Variants in NTRK2 observed in about 807,000 individuals in gnomAD.
NTRK2 encodes BDNF/NT-3 growth factors receptor.
In NTRK2, 13 loss-of-function variants were observed where a neutral mutation model predicts 94.5. That is an observed-to-expected ratio of 0.14 (90% confidence interval 0.09 to 0.22). The LOEUF (loss-of-function observed/expected upper bound fraction) is 0.22. Among genes scored for constraint, NTRK2 ranks in the 10% least tolerant of loss-of-function variants. NTRK2 has a pLI of 1.00. For synonymous variants in NTRK2, 372 were observed against 407.4 expected (o/e 0.91, Z 1.05); for missense variants, 639 against 1,071.2 (o/e 0.60, Z 5.63).
intron 10 of NTRK2, 116 bp from the exon 11 acceptor site, chr9:84,744,857 G>T: frequency 2.4e-6 from 2 of 824,702 alleles, no homozygotes; most frequent in South Asian, 1.3e-5. Flanking sequence ...ACTGTCGGGG[G>T]TTTGGAATCT....
intron 12 of NTRK2, among the ~76,000 whole-genome samples, chr9:84,809,691 G>A (rs2071531435): frequency 6.6e-6 from 1 of 151,446 alleles, no homozygotes; most frequent in South Asian, 2.1e-4. Flanking sequence ...AGACCAGCCT[G>A]GGCAACATGG....
chr9:84,936,339 A>G (rs1008140045), intron 15 of NTRK2, among the ~76,000 whole-genome samples: 16 of 152,214 alleles, frequency 1.1e-4, no homozygotes, highest in African/African-American at 2.4e-4. Context: ...CCTTCCAAAC[A>G]TATGCTCAAA....
intron 12 of NTRK2, among the ~76,000 whole-genome samples, chr9:84,789,966 C>T (rs558450231): frequency 8.5e-5 from 13 of 152,162 alleles, no homozygotes; most frequent in Non-Finnish European, 1.8e-4. Flanking sequence ...GATACCTTCT[C>T]GCTGGATTTT....
chr9:84,917,915 G>C (rs1288549037), intron 14 of NTRK2, among the ~76,000 whole-genome samples: 4 of 152,146 alleles, frequency 2.6e-5, no homozygotes. Context: ...CCTCATGACA[G>C]AGTAATGTGA....
intron 12 of NTRK2, among the ~76,000 whole-genome samples, chr9:84,858,703 G>A (rs191539514): frequency 8.9e-4 from 135 of 150,940 alleles, no homozygotes; most frequent in African/African-American, 3.2e-3. Context: ...CTCAAGTGCC[G>A]CTTTGCAGCT....
At chr9:84,872,464 G>T in intron 14 of NTRK2, 1 of 1,071,858 alleles carries the variant, frequency 9.3e-7, no homozygotes, top group Non-Finnish European at 1.1e-6. Context: ...AATTAGCTAG[G>T]GTCCTAGGGT....
intron 4 of NTRK2, among the ~76,000 whole-genome samples, chr9:84,705,458 A>G (rs1009760918): frequency 1.3e-5 from 2 of 152,096 alleles, no homozygotes; most frequent in Non-Finnish European, 2.9e-5. Flanking sequence ...TTTGGCCCCA[A>G]TAATAAGTAT....
At chr9:84,924,178 C>G (rs1587943864) in intron 14 of NTRK2, among the ~76,000 whole-genome samples, 1 of 150,236 alleles carries the variant, frequency 6.7e-6, no homozygotes, top group East Asian at 2.0e-4. Context: ...TGCCACTGCA[C>G]TGCACTCCAG....
chr9:84,808,854 G>T (rs542876544), intron 12 of NTRK2, among the ~76,000 whole-genome samples: 2 of 152,208 alleles, frequency 1.3e-5, no homozygotes, highest in Non-Finnish European at 2.9e-5. Context: ...CAGATTGGTG[G>T]TGGTACTTAC....
chr9:85,016,284 G>A (rs985546602), intron 17 of NTRK2, among the ~76,000 whole-genome samples: 11 of 152,176 alleles, frequency 7.2e-5, no homozygotes, highest in South Asian at 6.2e-4. Flanking sequence ...TAGAACTCCA[G>A]TCTCTTGGGT....
intron 12 of NTRK2, among the ~76,000 whole-genome samples, chr9:84,752,961 G>C (rs1030924429): frequency 6.6e-6 from 1 of 152,090 alleles, no homozygotes; most frequent in Non-Finnish European, 1.5e-5. Flanking sequence ...TTATCTGTAT[G>C]GTCTGTTAGA....
At chr9:84,710,924 A>T (rs1362882626) in intron 6 of NTRK2, 133 bp downstream of exon 6, 13 of 827,862 alleles carry the variant, frequency 1.6e-5, no homozygotes, top group Non-Finnish European at 2.4e-5. Flanking sequence ...GACTCAGACA[A>T]CATTTATGTG....
At chr9:84,815,302 T>G in intron 12 of NTRK2, 3 of 1,049,828 alleles carry the variant, frequency 2.9e-6, no homozygotes, top group Non-Finnish European at 3.4e-6. Flanking sequence ...ATGACTGCAG[T>G]GGGTTTTTAT....
chr9:84,956,850 GTT>G (rs61418898), intron 17 of NTRK2, among the ~76,000 whole-genome samples: 55 of 147,244 alleles, frequency 3.7e-4, no homozygotes, highest in East Asian at 1.2e-3. Flanking sequence ...GTTTTGTGGT[GTT>G]TTTTTTTTTT....
At chr9:84,838,716 A>C (rs1207637048) in intron 12 of NTRK2, among the ~76,000 whole-genome samples, 3 of 152,228 alleles carry the variant, frequency 2.0e-5, no homozygotes, top group Admixed American at 2.0e-4. Flanking sequence ...GTATATTGTA[A>C]TTCACTATTA....
intron 14 of NTRK2, among the ~76,000 whole-genome samples, chr9:84,922,397 C>A (rs1001093717): frequency 1.3e-5 from 2 of 152,218 alleles, no homozygotes; most frequent in Non-Finnish European, 2.9e-5. Flanking sequence ...ACCCTTAACC[C>A]AGTATTTTTT....
At chr9:84,848,770 A>G (rs2074603018) in intron 12 of NTRK2, among the ~76,000 whole-genome samples, 1 of 152,226 alleles carries the variant, frequency 6.6e-6, no homozygotes, top group African/African-American at 2.4e-5. Context: ...TTTCTCTCCA[A>G]TAATAAAGAT....
At chr9:84,803,085 A>C (rs1016780351) in intron 12 of NTRK2, among the ~76,000 whole-genome samples, 2 of 152,122 alleles carry the variant, frequency 1.3e-5, no homozygotes, top group Non-Finnish European at 2.9e-5. Context: ...TCACCATTTC[A>C]ACCTAAGCTT....
chr9:84,931,773 G>C (rs1430048014), intron 14 of NTRK2, among the ~76,000 whole-genome samples: 1 of 150,738 alleles, frequency 6.6e-6, no homozygotes, highest in African/African-American at 2.4e-5. Context: ...TCTGGTTAGA[G>C]TGAGAAGTAA....
Sources: gnomAD v4.1 joint callset for allele counts (sites outside exome capture counted in the v4.1 genomes callset) on GRCh38, gnomAD v4.1.1 for gene constraint, MANE v1.5 for transcripts, NCBI Gene and HGNC (gene_info 2026-07-23, HGNC 2026-07-21) for gene names.